The following TLDC2 variants were observed in gnomAD, a reference collection of about 807,000 sequenced individuals.
The protein encoded by TLDC2 is TBC/LysM-associated domain containing 2.
A neutral mutation model predicts 27.9 loss-of-function variants in TLDC2; 23 were observed. The ratio of observed to expected loss-of-function variants is 0.82; its 90% CI spans 0.59 to 1.17. The LOEUF (loss-of-function observed/expected upper bound fraction) is 1.17. TLDC2 is among the 50% of genes most tolerant of loss of function. The pLI, the probability that TLDC2 is intolerant of heterozygous loss-of-function variation, is 0.00. For synonymous variants in TLDC2, 124 were observed against 107.4 expected (o/e 1.16, Z -0.96); for missense variants, 286 against 273.4 (o/e 1.05, Z -0.32).
rs535695065 is a variant in TLDC2 at position 36,887,350 on chromosome 20, G to T, written c.439-105G>T. The T allele has an allele frequency of 3.9e-6, 4 of 1,022,236 alleles. No homozygotes were observed. In the East Asian group the frequency reaches 9.6e-5, roughly 24 times the overall value. The allele number at this position is 1,022,236 out of a possible 1,614,324, so 63.3% of individuals were successfully genotyped here. ...CCACCTGCGGCTCGGTTGGGGCCTGGATGCTGTTCCCGCCACAACACTGCC... is the reference window on the plus strand; with the variant it reads ...CCACCTGCGGCTCGGTTGGGGCCTGTATGCTGTTCCCGCCACAACACTGCC... On this transcript the variant is annotated intron_variant, in intron 4 of 6. Transcript: ENST00000217320.
chr20:36,878,407 C>T (rs1396624774), intron 2 of TLDC2, among the ~76,000 whole-genome samples: 1 of 152,048 alleles, frequency 6.6e-6, no homozygotes, highest in East Asian at 1.9e-4. Flanking sequence ...ATGGCAAAAC[C>T]CTGTCTCTAC....
chr20:36,887,560 C>T (rs1236446534), intron 5 of TLDC2, 32 bp downstream of exon 5: 4 of 1,599,020 alleles, frequency 2.5e-6, no homozygotes, highest in African/African-American at 2.7e-5. Flanking sequence ...AGTCTTGGGG[C>T]GGTCTGTGTT....
intron 6 of TLDC2, chr20:36,889,689 G>A (rs773637079): frequency 4.9e-5 from 12 of 246,232 alleles, no homozygotes; most frequent in Non-Finnish European, 9.2e-5. Flanking sequence ...GCTAGTGCCT[G>A]CCTCCTGGCA....
Sources: gnomAD v4.1 joint callset for allele counts (sites outside exome capture counted in the v4.1 genomes callset) on GRCh38, gnomAD v4.1.1 for gene constraint, MANE v1.5 for transcripts, NCBI Gene and HGNC (gene_info 2026-07-23, HGNC 2026-07-21) for gene names.